The following MAU2 variants were observed in gnomAD, a reference collection of about 807,000 sequenced individuals.
The protein encoded by MAU2 is MAU2 sister chromatid cohesion factor, also known as MAU2 chromatid cohesion factor homolog.
MAU2 carries 9 observed loss-of-function variants against 89.1 expected under a neutral mutation model. The observed-to-expected ratio is 0.10, with a 90% CI of 0.06 to 0.18. The LOEUF (loss-of-function observed/expected upper bound fraction) is 0.18. Ranked by LOEUF, MAU2 falls within the 10% of genes least tolerant of loss-of-function variation. The pLI, the probability that MAU2 is intolerant of heterozygous loss-of-function variation, is 1.00. For synonymous variants in MAU2, 357 were observed against 343.4 expected, an observed-to-expected ratio of 1.04 and a Z score of -0.44; for missense variants, 425 against 803.5, an observed-to-expected ratio of 0.53 and a Z score of 5.69.
Position 19,348,594 on chromosome 19 carries a change from C to T in MAU2, c.1309-295C>T, listed in dbSNP as rs989145820. Reference sequence around the variant, plus strand: ...ACGGGCCCCAGCCTGCCAACCTACCCACTGCCAGGCCAGCCCCTCAGCACC... The same window carrying T: ...ACGGGCCCCAGCCTGCCAACCTACCTACTGCCAGGCCAGCCCCTCAGCACC... On this transcript the variant is annotated intron_variant, in intron 13 of 18. Coordinates refer to ENST00000262815, the MANE Select transcript of MAU2 (RefSeq NM_015329.4). 3.8e-5 allele frequency: 21 copies of T among 555,278 alleles called. 1 individual carries two copies. The highest frequency in any genetic ancestry group is 1.9e-4 in the Admixed American group (6 of 31,862). 34.4% of individuals were successfully genotyped at this position (555,278 alleles called of 1,614,324 possible). A position where few individuals can be genotyped will look rare whatever the true frequency, so the allele number is the denominator to read the frequency against.
At chr19:19,336,377 G>A (rs1462179293) in intron 3 of MAU2, among the ~76,000 whole-genome samples, 190 bp downstream of exon 3, 2 of 151,924 alleles carry the variant, frequency 1.3e-5, no homozygotes, top group African/African-American at 4.8e-5. Context: ...ATGGCTCACC[G>A]CAGCCTTAAA....
intron 1 of MAU2, among the ~76,000 whole-genome samples, chr19:19,333,971 G>T (rs1328791681): frequency 2.0e-5 from 3 of 152,146 alleles, no homozygotes; most frequent in African/African-American, 7.2e-5. Context: ...GGTTCAGGGA[G>T]ACCTCAGCCC....
Position 19,349,212 on chromosome 19 carries a change from G to A in MAU2, c.1416G>A (p.Gln472=). Residue 472 remains glutamine, a synonymous_variant, in exon 15 of 19, where the codon CAG becomes CAA. Transcript: ENST00000262815. ...FYVRGLFSFF[Q]GRYNEAKRFL... is the part of the protein sequence containing the mutation. ...TGCGTGGGCTCTTCTCCTTCTTCCA[G>A]GGACGCTACAACGAGGCCAAGTAAG... The A allele has an allele frequency of 6.2e-7, 1 of 1,614,180 alleles. No homozygotes were observed. Among genetic ancestry groups the A allele is most frequent in the Non-Finnish European group, 8.5e-7 (1 of 1,180,048 alleles).
At chr19:19,331,089 G>A (rs1255954792) in intron 1 of MAU2, among the ~76,000 whole-genome samples, 2 of 152,046 alleles carry the variant, frequency 1.3e-5, no homozygotes, top group Non-Finnish European at 2.9e-5. Flanking sequence ...GGTGACCCCA[G>A]GGGCTGCTGA....
At chr19:19,337,123 T>C in intron 3 of MAU2, 47 bp from the exon 4 acceptor site, 1 of 1,043,864 alleles carries the variant, frequency 9.6e-7, no homozygotes, top group East Asian at 2.8e-5. Flanking sequence ...ATTGCCGCCT[T>C]GTTTTTTTTT....
At chr19:19,354,613 C>A in intron 17 of MAU2, 168 bp downstream of exon 17, 2 of 636,508 alleles carry the variant, frequency 3.1e-6, no homozygotes, top group Non-Finnish European at 5.7e-6. Flanking sequence ...TGGTTGAGGG[C>A]AGTGGGTGCA....
At chr19:19,330,281 A>G (rs2061545288) in intron 1 of MAU2, among the ~76,000 whole-genome samples, 1 of 151,290 alleles carries the variant, frequency 6.6e-6, no homozygotes, top group African/African-American at 2.4e-5. Context: ...CTCCCAGCCA[A>G]CCCTGTCTCT....
chr19:19,338,993 C>A, intron 5 of MAU2, 54 bp downstream of exon 5: 1 of 1,382,882 alleles, frequency 7.2e-7, no homozygotes, highest in South Asian at 1.3e-5. Flanking sequence ...AGGGGCTTGG[C>A]CATCTTGGTC....
intron 1 of MAU2, among the ~76,000 whole-genome samples, chr19:19,326,600 G>A (rs1275468953): frequency 6.6e-6 from 1 of 150,414 alleles, no homozygotes; most frequent in East Asian, 2.0e-4. Context: ...GCAGGAGAAT[G>A]GCGTGAACCC....
At chr19:19,349,539 A>G (rs1226628628) in intron 16 of MAU2, 103 bp downstream of exon 16, 18 of 1,002,838 alleles carry the variant, frequency 1.8e-5, no homozygotes, top group Admixed American at 9.2e-5. Flanking sequence ...TGTTCATCCT[A>G]TGCCCCTCGA....
chr19:19,340,166 A>C (rs2061630533), intron 5 of MAU2, among the ~76,000 whole-genome samples: 1 of 143,944 alleles, frequency 6.9e-6, no homozygotes, highest in African/African-American at 2.6e-5. Context: ...CTCCATCTCA[A>C]AAAAAAAAAA....
chr19:19,349,412 C>T lies in MAU2; in HGVS notation c.1524C>T (p.Ile508=). ...TACSLVLLGH[I]FYVLGNHRES... The stretch of plus-strand genomic sequence containing the variant: ...GCTCCCTCGTGCTTCTGGGCCACAT[C>T]TTCTATGTGCTGGGAAACCACAGGG... Residue 508 remains isoleucine (I), a synonymous_variant, in exon 16 of 19, where the codon ATC becomes ATT. Coordinates refer to ENST00000262815, the MANE Select transcript of MAU2 (RefSeq NM_015329.4). The T allele has an allele frequency of 6.2e-7, 1 of 1,614,084 alleles. No individual in the cohort carries two copies. The highest frequency in any genetic ancestry group is 8.5e-7 in the Non-Finnish European group (1 of 1,180,016).
At chr19:19,344,718 TG>T in intron 10 of MAU2, 130 bp from the exon 11 acceptor site, 3 of 697,616 alleles carry the variant, frequency 4.3e-6, no homozygotes, top group Non-Finnish European at 7.7e-6. Context: ...ACGTGTCTGC[TG>T]GGGCTTTGTA....
chr19:19,321,047 T>A lies in MAU2; in HGVS notation c.188T>A (p.Ile63Asn). The A allele has an allele frequency of 1.9e-6, 3 of 1,612,944 alleles. No homozygotes were observed. The highest frequency in any genetic ancestry group is 2.5e-6 in the Non-Finnish European group (3 of 1,179,554). ...TTCCCCTTCAAGCCGCCGCAGCGCATCGAGGCCCGTACACACCTGCAGCTG... is the reference window on the plus strand; with the variant it reads ...TTCCCCTTCAAGCCGCCGCAGCGCAACGAGGCCCGTACACACCTGCAGCTG... ...AVFPFKPPQR[I>N]EARTHLQLGS... Residue 63 changes from isoleucine to asparagine, a missense_variant, in exon 1 of 19, where the codon ATC (isoleucine) becomes AAC (asparagine). Physicochemically the swap from Ile to Asn is moderately radical, Grantham distance 149 (BLOSUM62 -3). This residue lies in a region of MAU2 where 57 missense variants were observed against 57.5 expected (regional missense o/e 0.99). Transcript: ENST00000262815.
chr19:19,328,779 G>A (rs111995069), intron 1 of MAU2, among the ~76,000 whole-genome samples: 4 of 152,300 alleles, frequency 2.6e-5, no homozygotes, highest in African/African-American at 9.6e-5. Context: ...CCTGGGAAGT[G>A]CACCATCATT....
chr19:19,328,487 T>C (rs1038964337), intron 1 of MAU2, among the ~76,000 whole-genome samples: 5 of 151,634 alleles, frequency 3.3e-5, no homozygotes, highest in Admixed American at 1.3e-4. Flanking sequence ...AGTGGCGTGA[T>C]CTCGGCTCCC....
chr19:19,351,701 A>G (rs1173986395), intron 16 of MAU2, among the ~76,000 whole-genome samples: 1 of 152,108 alleles, frequency 6.6e-6, no homozygotes, highest in Non-Finnish European at 1.5e-5. Context: ...TTATTTTTCT[A>G]GATTATAAAA....
chr19:19,342,494 G>T, intron 7 of MAU2, 41 bp from the exon 8 acceptor site: 1 of 1,515,494 alleles, frequency 6.6e-7, no homozygotes, highest in Admixed American at 2.2e-5. Flanking sequence ...CTTCCTGAGA[G>T]GCCAGGCTCA....
At chr19:19,344,603 G>A (rs1022286783) in intron 10 of MAU2, 14 of 568,208 alleles carry the variant, frequency 2.5e-5, no homozygotes, top group African/African-American at 2.2e-4. Context: ...TAGGCTGGAG[G>A]TCCTTTACAA....
Sources: gnomAD v4.1 joint callset for allele counts (sites outside exome capture counted in the v4.1 genomes callset) on GRCh38, gnomAD v4.1.1 for gene constraint, gnomAD v4.1.1 regional missense constraint, MANE v1.5 for transcripts, NCBI Gene and HGNC (gene_info 2026-07-23, HGNC 2026-07-21) for gene names.